Variants in WDR7 observed in about 807,000 individuals in gnomAD.
WDR7 encodes WD repeat-containing protein 7.
Under a neutral mutation model 169.4 loss-of-function variants are expected in WDR7, and 46 were observed. That is an observed-to-expected ratio of 0.27 (90% CI 0.21 to 0.35). The LOEUF is 0.35. WDR7 is among the 10% of genes least tolerant of loss of function. WDR7 has a pLI of 1.00. For missense variants in WDR7, 1,534 were observed against 1,859.3 expected (o/e 0.83, Z 3.22); for synonymous variants, 612 against 666.8 (o/e 0.92, Z 1.27).
chr18:57,016,622 T>TC (rs2048211073), intron 26 of WDR7, among the ~76,000 whole-genome samples: 1 of 152,234 alleles, frequency 6.6e-6, no homozygotes, highest in African/African-American at 2.4e-5. Flanking sequence ...CCAAATCATT[T>TC]TAGAAATTCT....
chr18:56,832,872 G>T (rs905749247), intron 20 of WDR7, among the ~76,000 whole-genome samples: 7 of 152,114 alleles, frequency 4.6e-5, no homozygotes, highest in African/African-American at 1.7e-4. Flanking sequence ...AATCCATGAA[G>T]ATGAGGAAAA....
chr18:56,675,161 G>T (rs186711161), intron 2 of WDR7, among the ~76,000 whole-genome samples: 1 of 152,112 alleles, frequency 6.6e-6, no homozygotes, highest in African/African-American at 2.4e-5. Flanking sequence ...GAGTCCTCCA[G>T]TATTGCTCTT....
intron 1 of WDR7, among the ~76,000 whole-genome samples, chr18:56,661,539 T>C (rs1412891772): frequency 1.3e-5 from 2 of 152,180 alleles, no homozygotes; most frequent in East Asian, 3.9e-4. Context: ...TGTAGTCTCC[T>C]GTTGCCATCT....
chr18:56,656,583 AT>A (rs10648827), intron 1 of WDR7, among the ~76,000 whole-genome samples: 21 of 146,168 alleles, frequency 1.4e-4, no homozygotes, highest in African/African-American at 3.5e-4. Flanking sequence ...CCCGGCCACT[AT>A]TTTTTTTTTT....
chr18:56,836,004 G>T (rs2045389989), intron 20 of WDR7, among the ~76,000 whole-genome samples: 1 of 152,076 alleles, frequency 6.6e-6, no homozygotes, highest in South Asian at 2.1e-4. Flanking sequence ...AATATGAGAT[G>T]CTTTCTTTAA....
chr18:56,892,102 A>G (rs759610133), intron 21 of WDR7, among the ~76,000 whole-genome samples: 3 of 152,064 alleles, frequency 2.0e-5, no homozygotes, highest in Non-Finnish European at 4.4e-5. Flanking sequence ...TTAATTTGCA[A>G]CCATTTTTTG....
chr18:56,806,182 C>G (rs2044770358), intron 19 of WDR7, among the ~76,000 whole-genome samples: 1 of 152,056 alleles, frequency 6.6e-6, no homozygotes, highest in Admixed American at 6.6e-5. Context: ...CTATTAGATT[C>G]TCTAGTGTAA....
chr18:56,803,664 A>G (rs71353981), intron 19 of WDR7, among the ~76,000 whole-genome samples: 1 of 152,240 alleles, frequency 6.6e-6, no homozygotes, highest in East Asian at 1.9e-4. Flanking sequence ...AAAGAGAATA[A>G]CAATAAGCAA....
chr18:56,821,552 A>T, intron 20 of WDR7, among the ~76,000 whole-genome samples: 1 of 152,102 alleles, frequency 6.6e-6, no homozygotes, highest in East Asian at 1.9e-4. Flanking sequence ...CTTTTGAAAT[A>T]TGAGATGATG....
rs545743666 is a variant in WDR7, at chr18:56,775,206, G to T, written c.2849-1576G>T. 3.3e-5 allele frequency among the ~76,000 whole-genome samples: 5 copies of T among 152,050 alleles called. No homozygotes were observed. The South Asian group carries it at 1.0e-3, about 32-fold the overall frequency. ...CTTTCAGAATTAAGAGTAAAACCAT[G>T]CAAAATTAACACAGCCTTTCCAGGG... On this transcript the variant is annotated intron_variant, in intron 16 of 27. Coordinates refer to ENST00000254442, the MANE Select transcript of WDR7 (RefSeq NM_015285.3).
At chr18:56,789,477 A>G (rs1287795393) in intron 19 of WDR7, among the ~76,000 whole-genome samples, 1 of 152,222 alleles carries the variant, frequency 6.6e-6, no homozygotes, top group Non-Finnish European at 1.5e-5. Flanking sequence ...TGCGCTCAGG[A>G]TGTCAGTAGA....
chr18:56,691,832 G>T lies in WDR7; in HGVS notation c.966+15G>T, dbSNP rs1483868921. The T allele has an allele frequency of 6.4e-7, 1 of 1,571,612 alleles. No homozygotes were observed. Among genetic ancestry groups the T allele is most frequent in the South Asian group, 1.2e-5 (1 of 86,630 alleles). ...AAGATAAAGAGGTAAAATTCTTGAG[G>T]TGTCATTTATAATTGAAAGTTACAT... On this transcript the variant is annotated intron_variant, in intron 9 of 27. Coordinates refer to ENST00000254442, the MANE Select transcript of WDR7 (RefSeq NM_015285.3).
intron 20 of WDR7, among the ~76,000 whole-genome samples, chr18:56,877,640 A>C (rs2046043010): frequency 6.6e-6 from 1 of 152,188 alleles, no homozygotes. Context: ...TGGTGTGTTT[A>C]TCTGTTGGTG....
chr18:56,729,329 T>A (rs933268873), intron 13 of WDR7, among the ~76,000 whole-genome samples: 7 of 152,324 alleles, frequency 4.6e-5, no homozygotes, highest in African/African-American at 1.4e-4. Context: ...GATATACATT[T>A]GTAAAAAATT....
At chr18:56,701,653 C>CT (rs1447718958) in intron 12 of WDR7, among the ~76,000 whole-genome samples, 1 of 151,874 alleles carries the variant, frequency 6.6e-6, no homozygotes. Context: ...GTATTAGAAA[C>CT]TTTTTTTTAA....
Position 56,731,874 on chromosome 18 carries a change from T to C in WDR7, c.1989+277T>C, listed in dbSNP as rs191277505. On this transcript the variant is annotated intron_variant, in intron 14 of 27. Coordinates refer to ENST00000254442, the MANE Select transcript of WDR7 (RefSeq NM_015285.3). The stretch of plus-strand genomic sequence containing the variant: ...ATTAGGGCAAACCAACTGTATATAA[T>C]CTGTCTTACTTTTTGGTAGTCTTTC... 2.9e-3 allele frequency among the ~76,000 whole-genome samples: 441 copies of C among 152,322 alleles called. 3 individuals carry two copies. The East Asian group carries it at 0.032, about 11-fold the overall frequency.
intron 7 of WDR7, among the ~76,000 whole-genome samples, chr18:56,689,294 G>T (rs2025513507): frequency 1.3e-5 from 2 of 152,072 alleles, no homozygotes; most frequent in African/African-American, 4.8e-5. Flanking sequence ...ACAGAGTCTT[G>T]CTGTCGCCCA....
chr18:56,786,907 A>ATT (rs2044409440), intron 19 of WDR7, among the ~76,000 whole-genome samples: 1 of 151,726 alleles, frequency 6.6e-6, no homozygotes, highest in East Asian at 2.0e-4. Flanking sequence ...TGCAAAAGTA[A>ATT]ATAGTTTTTG....
chr18:56,681,151 C>G (rs892964482), intron 3 of WDR7, among the ~76,000 whole-genome samples, 162 bp from the exon 4 acceptor site: 2 of 151,856 alleles, frequency 1.3e-5, no homozygotes. Context: ...TTAGGAGGGT[C>G]GAGGGAGGAC....
Sources: allele counts gnomAD v4.1 joint callset (sites outside exome capture counted in the v4.1 genomes callset), GRCh38; gene constraint gnomAD v4.1.1; transcripts MANE v1.5; gene names NCBI Gene and HGNC (gene_info 2026-07-23, HGNC 2026-07-21).